Variants in TRUB1 observed in about 807,000 individuals in gnomAD.
TRUB1 encodes the protein pseudouridylate synthase TRUB1.
TRUB1 carries 23 observed loss-of-function variants against 33.9 expected under a neutral mutation model. The observed-to-expected ratio is 0.68, with a 90% confidence interval of 0.49 to 0.96. The LOEUF (loss-of-function observed/expected upper bound fraction) is 0.96, where lower values mean the gene tolerates loss of function less well. Among genes scored for constraint, TRUB1 ranks in the 40% least tolerant of loss-of-function variants. The pLI is 0.00. For missense variants in TRUB1, 378 were observed against 422.2 expected (o/e 0.90, Z 0.92); for synonymous variants, 163 against 165.4 (o/e 0.99, Z 0.11).
chr10:114,970,432 GC>G lies in TRUB1; in HGVS notation c.595del (p.Leu199SerfsTer5). ...AATTTACTGGAAATATAATGCAAGTGCCCCCCCTGTAAGTTCAATTAGTAAA... is the reference window on the plus strand; with the variant it reads ...AATTTACTGGAAATATAATGCAAGTGCCCCCCTGTAAGTTCAATTAGTAAA... ...QKFTGNIMQV[P>X]PLYSALKKDG... On this transcript the variant is annotated frameshift_variant, in exon 5 of 8. Coordinates refer to ENST00000298746, the MANE Select transcript of TRUB1 (RefSeq NM_139169.5). LOFTEE classifies it high-confidence loss of function. The G allele has an allele frequency of 4.4e-6, 7 of 1,608,314 alleles. No homozygotes were observed. Among genetic ancestry groups the G allele is most frequent in the Non-Finnish European group, 5.1e-6 (6 of 1,175,458 alleles).
chr10:114,974,824 A>T (rs891433178), intron 7 of TRUB1, among the ~76,000 whole-genome samples: 4 of 152,128 alleles, frequency 2.6e-5, no homozygotes, highest in Non-Finnish European at 4.4e-5. Context: ...AGGTCATATG[A>T]TCTCATCTGT....
rs569715076 is a variant in TRUB1, at chr10:114,974,732, T to A, written c.793+347T>A. ...TCTAAAAGTTATTTTCAAATTTTTT[T>A]AAACTGGAAGCCGTAGTCTTATAAA... On this transcript the variant is annotated intron_variant, in intron 7 of 7. Coordinates refer to ENST00000298746, the MANE Select transcript of TRUB1 (RefSeq NM_139169.5). Among the ~76,000 whole-genome samples, 6 of 152,294 alleles carry A rather than the reference T, an allele frequency of 3.9e-5. No homozygotes were observed. The East Asian group carries it at 7.7e-4, about 20-fold the overall frequency.
At chr10:114,939,742 A>G (rs1027044531) in intron 1 of TRUB1, among the ~76,000 whole-genome samples, 17 of 151,048 alleles carry the variant, frequency 1.1e-4, no homozygotes, top group African/African-American at 3.9e-4. Flanking sequence ...AAGGATATGT[A>G]TTGTGGTATC....
chr10:114,959,898 C>T, intron 4 of TRUB1, 91 bp downstream of exon 4: 1 of 744,208 alleles, frequency 1.3e-6, no homozygotes, highest in Non-Finnish European at 2.3e-6. Context: ...CTGATATTAT[C>T]AGCCATTTTA....
At chr10:114,969,753 G>T (rs1429794770) in intron 4 of TRUB1, among the ~76,000 whole-genome samples, 4 of 143,324 alleles carry the variant, frequency 2.8e-5, no homozygotes, top group Non-Finnish European at 6.0e-5. Context: ...AAACAAGAGA[G>T]AAATTCCAAC....
chr10:114,958,794 G>A (rs1297383268), intron 3 of TRUB1, among the ~76,000 whole-genome samples: 1 of 152,162 alleles, frequency 6.6e-6, no homozygotes, highest in Non-Finnish European at 1.5e-5. Context: ...TCTTAGAAAC[G>A]ATTCTTGTTC....
intron 3 of TRUB1, among the ~76,000 whole-genome samples, chr10:114,956,637 C>G (rs2084262787): frequency 6.6e-6 from 1 of 152,148 alleles, no homozygotes; most frequent in Non-Finnish European, 1.5e-5. Flanking sequence ...GAGACTCTTT[C>G]AGGGTGTCTG....
At chr10:114,948,569 C>T (rs1207563689) in intron 2 of TRUB1, among the ~76,000 whole-genome samples, 1 of 152,194 alleles carries the variant, frequency 6.6e-6, no homozygotes, top group African/African-American at 2.4e-5. Context: ...TGAAAAGCTG[C>T]TGGTTGGCTA....
chr10:114,955,676 T>C (rs1287911399), intron 3 of TRUB1, among the ~76,000 whole-genome samples: 1 of 152,208 alleles, frequency 6.6e-6, no homozygotes, highest in African/African-American at 2.4e-5. Flanking sequence ...TAACCAGTTA[T>C]GAGAACTCTA....
At chr10:114,957,224 T>C (rs2084265415) in intron 3 of TRUB1, among the ~76,000 whole-genome samples, 1 of 152,228 alleles carries the variant, frequency 6.6e-6, no homozygotes, top group Non-Finnish European at 1.5e-5. Flanking sequence ...CAATAAAGTA[T>C]ACTTGGAAAA....
At chr10:114,942,582 T>C (rs2084192856) in intron 1 of TRUB1, 63 bp from the exon 2 acceptor site, 3 of 1,127,048 alleles carry the variant, frequency 2.7e-6, no homozygotes, top group Admixed American at 3.7e-5. Flanking sequence ...CCTCCCAAGT[T>C]TATGAAGATC....
At chr10:114,959,665 C>T in intron 3 of TRUB1, 61 bp from the exon 4 acceptor site, 1 of 1,036,424 alleles carries the variant, frequency 9.6e-7, no homozygotes, top group Non-Finnish European at 1.5e-6. Context: ...AACTTCAAGA[C>T]ATGCATAACA....
rs372230344 is a variant in TRUB1 at position 114,942,562 on chromosome 10, A to G, written c.287-83A>G. ...ACTTTTTGTTTGTTTTGAAAATGCCATCCCCTTTTCCTCCCAAGTTTATGA... is the reference window on the plus strand; with the variant it reads ...ACTTTTTGTTTGTTTTGAAAATGCCGTCCCCTTTTCCTCCCAAGTTTATGA... On this transcript the variant is annotated intron_variant, in intron 1 of 7. Transcript: ENST00000298746. The G allele has an allele frequency of 8.8e-5, 77 of 877,566 alleles. 1 individual carries two copies. The highest frequency in any genetic ancestry group is 5.1e-4 in the East Asian group (21 of 41,034). 54.4% of individuals were successfully genotyped at this position (877,566 alleles called of 1,614,324 possible).
In TRUB1 at chr10:114,951,221, A is replaced by C; in HGVS notation, c.441+72A>C. The C allele has an allele frequency of 2.5e-6, 3 of 1,223,636 alleles. No individual in the cohort carries two copies. In the South Asian group the frequency reaches 4.0e-5, roughly 16 times the overall value. The allele number at this position is 1,223,636 out of a possible 1,614,324, so 75.8% of individuals were successfully genotyped here. On this transcript the variant is annotated intron_variant, in intron 3 of 7. Coordinates refer to ENST00000298746, the MANE Select transcript of TRUB1 (RefSeq NM_139169.5). ...TCTACATGTATTGGGTTTTTATCAAATAAAAAATAAACTGAGTAAACTGCA... is the reference window on the plus strand; with the variant it reads ...TCTACATGTATTGGGTTTTTATCAACTAAAAAATAAACTGAGTAAACTGCA...
chr10:114,957,089 G>C (rs1243197566), intron 3 of TRUB1, among the ~76,000 whole-genome samples: 2 of 152,168 alleles, frequency 1.3e-5, no homozygotes, highest in Non-Finnish European at 2.9e-5. Flanking sequence ...CACTTCTCTA[G>C]CATGTGTATC....
chr10:114,942,817 A>G (rs1182778902), intron 2 of TRUB1, 74 bp downstream of exon 2: 1 of 961,510 alleles, frequency 1.0e-6, no homozygotes, highest in Non-Finnish European at 1.7e-6. Context: ...GAGAACAGAT[A>G]GATTGACTAA....
intron 1 of TRUB1, 113 bp downstream of exon 1, chr10:114,938,652 T>A: frequency 8.3e-7 from 1 of 1,203,138 alleles, no homozygotes; most frequent in Non-Finnish European, 1.1e-6. Context: ...AAAGGGAGAC[T>A]GACCATTGAA....
At chr10:114,951,348 A>T (rs201639259) in intron 3 of TRUB1, among the ~76,000 whole-genome samples, 199 bp downstream of exon 3, 1 of 152,246 alleles carries the variant, frequency 6.6e-6, no homozygotes, top group Admixed American at 6.5e-5. Context: ...AAAACCAATT[A>T]GACTTAAAGA....
chr10:114,938,889 C>A (rs1313904215), intron 1 of TRUB1, among the ~76,000 whole-genome samples: 1 of 152,202 alleles, frequency 6.6e-6, no homozygotes, highest in Non-Finnish European at 1.5e-5. Flanking sequence ...AGTACTGGTT[C>A]TGCACCCCTA....
Sources: allele counts gnomAD v4.1 joint callset (sites outside exome capture counted in the v4.1 genomes callset), GRCh38; gene constraint gnomAD v4.1.1; transcripts MANE v1.5; gene names NCBI Gene and HGNC (gene_info 2026-07-23, HGNC 2026-07-21).